RNF150: variants seen among roughly 807,000 people sequenced by gnomAD.
RNF150 encodes the protein ring finger protein 150.
A neutral mutation model predicts 39.3 loss-of-function variants in RNF150; 24 were observed. That is an observed-to-expected ratio of 0.61 (90% CI 0.44 to 0.86). The LOEUF is 0.86. Among genes scored for constraint, RNF150 ranks in the 40% least tolerant of loss-of-function variants. RNF150 has a pLI of 0.00. For synonymous variants in RNF150, 255 were observed against 227.3 expected (o/e 1.12, Z -1.10); for missense variants, 502 against 587.8 (o/e 0.85, Z 1.51).
intron 1 of RNF150, among the ~76,000 whole-genome samples, chr4:141,119,414 C>A (rs7672823): frequency 0.014 from 2,080 of 152,286 alleles, 47 homozygotes; most frequent in African/African-American, 0.048. Flanking sequence ...AGTCAGGGCC[C>A]CTTGAGGCAT....
At chr4:140,924,908 C>T (rs1731328737) in intron 5 of RNF150, among the ~76,000 whole-genome samples, 1 of 152,192 alleles carries the variant, frequency 6.6e-6, no homozygotes, top group African/African-American at 2.4e-5. Flanking sequence ...TGCATGTCCT[C>T]ATAATGCTTC....
At position 141,113,457 on chromosome 4, in the gene RNF150, A is replaced by G. The variant is rs189169103; in HGVS notation, c.484+18868T>C. ...ATAACGGTAAAGGGATCAATGCAACAAGAAGGGCTAACTATCCTAAATATA... is the reference window on the plus strand; with the variant it reads ...ATAACGGTAAAGGGATCAATGCAACGAGAAGGGCTAACTATCCTAAATATA... On this transcript the variant is annotated intron_variant, in intron 1 of 6. Transcript: ENST00000515673. Among the ~76,000 whole-genome samples the G allele has an allele frequency of 5.8e-3, 883 of 152,310 alleles. 10 individuals are homozygous for G. Among genetic ancestry groups the G allele is most frequent in the African/African-American group, 0.02 (836 of 41,544 alleles).
chr4:141,033,615 TA>T (rs35011035), intron 1 of RNF150, among the ~76,000 whole-genome samples: 2 of 152,184 alleles, frequency 1.3e-5, no homozygotes, highest in Admixed American at 6.5e-5. Context: ...AGCGATACCT[TA>T]AAAAATGTAT....
intron 1 of RNF150, among the ~76,000 whole-genome samples, chr4:141,052,237 G>A (rs1349125198): frequency 2.1e-4 from 32 of 151,978 alleles, no homozygotes; most frequent in Admixed American, 2.1e-3. Context: ...ACCACACCAG[G>A]AACCAATTAC....
At chr4:141,190,827 T>C (rs1560773945) in intron 1 of RNF150, among the ~76,000 whole-genome samples, 1 of 152,248 alleles carries the variant, frequency 6.6e-6, no homozygotes, top group Non-Finnish European at 1.5e-5. Flanking sequence ...GGTTTTATTA[T>C]ATTTTGTATA....
chr4:141,078,846 C>CACAT (rs1451298932), intron 1 of RNF150, among the ~76,000 whole-genome samples: 11 of 141,358 alleles, frequency 7.8e-5, no homozygotes, highest in Admixed American at 5.0e-4. Flanking sequence ...CACACACACA[C>CACAT]ACATACATAC....
intron 6 of RNF150, among the ~76,000 whole-genome samples, chr4:140,880,218 T>G (rs1162180172): frequency 6.6e-6 from 1 of 152,212 alleles, no homozygotes; most frequent in Admixed American, 6.5e-5. Flanking sequence ...CATGTTGAAT[T>G]TTTTCAAATG....
At chr4:140,958,315 C>G (rs1197552719) in intron 2 of RNF150, among the ~76,000 whole-genome samples, 1 of 152,016 alleles carries the variant, frequency 6.6e-6, no homozygotes, top group Non-Finnish European at 1.5e-5. Flanking sequence ...ACATGACAGC[C>G]TTGCTTCTAA....
intron 1 of RNF150, among the ~76,000 whole-genome samples, chr4:141,185,524 T>C (rs1231314590): frequency 3.3e-5 from 5 of 152,160 alleles, no homozygotes; most frequent in Admixed American, 3.3e-4. Flanking sequence ...GCTTTATTTT[T>C]TTCTCTTGCC....
chr4:141,122,308 G>C (rs916556946), intron 1 of RNF150, among the ~76,000 whole-genome samples: 1 of 152,148 alleles, frequency 6.6e-6, no homozygotes, highest in South Asian at 2.1e-4. Flanking sequence ...CTCCTGATTC[G>C]CCACCTTCGG....
intron 1 of RNF150, among the ~76,000 whole-genome samples, chr4:140,978,221 C>T (rs1362380858): frequency 1.3e-5 from 2 of 152,082 alleles, no homozygotes; most frequent in Non-Finnish European, 2.9e-5. Context: ...CTGTGCTCCC[C>T]CAAGACTCTG....
At chr4:140,916,931 C>A (rs528596936) in intron 5 of RNF150, among the ~76,000 whole-genome samples, 141 of 152,288 alleles carry the variant, frequency 9.3e-4, no homozygotes, top group Admixed American at 2.7e-3. Context: ...AATTTCATAT[C>A]CAGCCAAACT....
At chr4:141,133,914 AGTAGATCTGTG>A (rs1457788204), upstream of RNF150, among the ~76,000 whole-genome samples, 3 of 152,184 alleles carry the variant, frequency 2.0e-5, no homozygotes, top group Non-Finnish European at 4.4e-5. Flanking sequence ...TTTCTGGTTC[AGTAGATCTGTG>A]GTAGGGCCCC....
chr4:140,911,615 T>C (rs1279326256), intron 5 of RNF150, among the ~76,000 whole-genome samples: 1 of 152,200 alleles, frequency 6.6e-6, no homozygotes, highest in African/African-American at 2.4e-5. Context: ...AAGTTTTATT[T>C]CAAGATAAGC....
At chr4:140,929,635 G>T (rs546525624) in intron 4 of RNF150, among the ~76,000 whole-genome samples, 86 of 152,052 alleles carry the variant, frequency 5.7e-4, no homozygotes, top group Non-Finnish European at 1.1e-3. Flanking sequence ...CAAAGTAATG[G>T]GATTACAGGC....
chr4:141,096,190 CTTTTTTTTTT>C (rs780868429), intron 1 of RNF150, among the ~76,000 whole-genome samples: 5,669 of 68,264 alleles, frequency 0.083, 204 homozygotes, highest in South Asian at 0.17. Context: ...TTTTAGCTTT[CTTTTTTTTTT>C]TTTTTTTTTT....
intron 1 of RNF150, among the ~76,000 whole-genome samples, chr4:141,176,532 C>A (rs1727817631): frequency 6.6e-6 from 1 of 152,132 alleles, no homozygotes; most frequent in African/African-American, 2.4e-5. Flanking sequence ...AACAATAAAG[C>A]ACAAAGCAGG....
At chr4:140,975,171 A>C (rs1233154345) in intron 1 of RNF150, among the ~76,000 whole-genome samples, 1 of 152,130 alleles carries the variant, frequency 6.6e-6, no homozygotes, top group Non-Finnish European at 1.5e-5. Flanking sequence ...TGGGAGGATG[A>C]CTTGAGCCTG....
chr4:141,169,703 T>C (rs1021874427), intron 1 of RNF150, among the ~76,000 whole-genome samples: 2 of 152,216 alleles, frequency 1.3e-5, no homozygotes, highest in Non-Finnish European at 2.9e-5. Flanking sequence ...TTCTAATTGT[T>C]TATTATTCTA....
Sources: allele counts gnomAD v4.1 joint callset (sites outside exome capture counted in the v4.1 genomes callset), GRCh38; gene constraint gnomAD v4.1.1; transcripts MANE v1.5; gene names NCBI Gene and HGNC (gene_info 2026-07-23, HGNC 2026-07-21).